FHIT: variants seen among roughly 807,000 people sequenced by gnomAD.
The protein encoded by FHIT is bis(5'-adenosyl)-triphosphatase.
In FHIT, 19 loss-of-function variants were observed where a neutral mutation model predicts 17.9. The ratio of observed to expected loss-of-function variants is 1.06; its 90% confidence interval spans 0.74 to 1.56. The LOEUF is 1.56. Ranked by LOEUF, FHIT falls within the 40% of genes most tolerant of loss-of-function variation. The pLI, the probability that FHIT is intolerant of heterozygous loss-of-function variation, is 0.00. For missense variants in FHIT, 248 were observed against 189.2 expected, an observed-to-expected ratio of 1.31 and a Z score of -1.82; for synonymous variants, 81 against 69.7, an observed-to-expected ratio of 1.16 and a Z score of -0.81.
At chr3:60,457,880 G>C (rs1306236616) in intron 5 of FHIT, among the ~76,000 whole-genome samples, 12 of 152,104 alleles carry the variant, frequency 7.9e-5, no homozygotes, top group African/African-American at 2.9e-4. Context: ...AAACCACAAT[G>C]AGATACCATC....
chr3:60,396,833 G>C (rs1330792525), intron 5 of FHIT, among the ~76,000 whole-genome samples: 1 of 152,054 alleles, frequency 6.6e-6, no homozygotes, highest in Non-Finnish European at 1.5e-5. Context: ...TGAAAAAATA[G>C]AAAGTTTAAA....
intron 4 of FHIT, among the ~76,000 whole-genome samples, chr3:60,681,313 G>A (rs1553696813): frequency 1.3e-5 from 2 of 152,132 alleles, no homozygotes; most frequent in Non-Finnish European, 2.9e-5. Flanking sequence ...ATAAGATGGT[G>A]AACTTTATCA....
chr3:60,404,060 T>C (rs111766653), intron 5 of FHIT, among the ~76,000 whole-genome samples: 1 of 152,324 alleles, frequency 6.6e-6, no homozygotes, highest in African/African-American at 2.4e-5. Context: ...AGACTGATTG[T>C]GGGCCAAGTC....
chr3:60,532,032 CA>C (rs1559517827), intron 5 of FHIT, among the ~76,000 whole-genome samples: 1 of 152,166 alleles, frequency 6.6e-6, no homozygotes, highest in Non-Finnish European at 1.5e-5. Flanking sequence ...TCCCTACATG[CA>C]TCATCCTAAT....
chr3:59,989,896 G>T (rs764366690), intron 7 of FHIT, among the ~76,000 whole-genome samples: 16 of 152,148 alleles, frequency 1.1e-4, no homozygotes, highest in Admixed American at 4.6e-4. Context: ...AGTAGCAGGG[G>T]TTCCTCCCCA....
intron 8 of FHIT, among the ~76,000 whole-genome samples, chr3:59,863,091 C>G (rs919247553): frequency 7.9e-5 from 12 of 152,200 alleles, no homozygotes; most frequent in African/African-American, 2.7e-4. Flanking sequence ...TAGTCCTATC[C>G]AAGGAATACG....
At position 60,331,953 on chromosome 3, in the gene FHIT, A is replaced by G. The variant is rs73103087; in HGVS notation, c.103+204907T>C. 4.7e-3 allele frequency among the ~76,000 whole-genome samples: 720 copies of G among 152,114 alleles called. 1 individual carries two copies. The highest frequency in any genetic ancestry group is 8.4e-3 in the Non-Finnish European group (568 of 68,000). On this transcript the variant is annotated intron_variant, in intron 5 of 9. Coordinates refer to ENST00000492590, the MANE Select transcript of FHIT (RefSeq NM_002012.4). ...TGATTCTCCCACATTATTAAGGTAC[A>G]ATTGTCCTGAATGCACTTGTCCTTC... is the stretch of plus-strand genomic sequence containing the variant.
chr3:60,927,542 C>T (rs1317306275), intron 3 of FHIT, among the ~76,000 whole-genome samples: 2 of 151,874 alleles, frequency 1.3e-5, no homozygotes, highest in South Asian at 2.1e-4. Flanking sequence ...AAGTGAGGAG[C>T]GTCTCTGCCT....
chr3:60,795,768 G>T (rs1226858269), intron 4 of FHIT, among the ~76,000 whole-genome samples: 1 of 152,102 alleles, frequency 6.6e-6, no homozygotes, highest in Non-Finnish European at 1.5e-5. Context: ...AGCTGCCTCG[G>T]CCTCCCAAAG....
intron 5 of FHIT, among the ~76,000 whole-genome samples, chr3:60,129,735 T>G (rs41355450): frequency 0.2 from 30,131 of 152,112 alleles, 3,297 homozygotes; most frequent in Admixed American, 0.3. Flanking sequence ...CAAGTTAAAG[T>G]TAAGGAGATA....
At chr3:60,505,348 C>G (rs541109281) in intron 5 of FHIT, among the ~76,000 whole-genome samples, 1 of 152,232 alleles carries the variant, frequency 6.6e-6, no homozygotes, top group Non-Finnish European at 1.5e-5. Context: ...TTCCATACCC[C>G]TAGGCTTCTT....
intron 7 of FHIT, among the ~76,000 whole-genome samples, chr3:59,975,992 G>A (rs189794351): frequency 5.0e-4 from 76 of 152,118 alleles, no homozygotes; most frequent in African/African-American, 1.8e-3. Flanking sequence ...GAGAGTTTAA[G>A]TTCTCTACTC....
chr3:61,166,616 T>TTAACTCAAATCTG (rs762067934), intron 2 of FHIT, among the ~76,000 whole-genome samples: 7 of 152,218 alleles, frequency 4.6e-5, no homozygotes, highest in Non-Finnish European at 1.0e-4. Flanking sequence ...CAGTTCAAGA[T>TTAACTCAAATCTG]TAACTCAAAT....
chr3:60,127,289 T>C (rs1705597252), intron 5 of FHIT, among the ~76,000 whole-genome samples: 1 of 152,200 alleles, frequency 6.6e-6, no homozygotes, highest in African/African-American at 2.4e-5. Flanking sequence ...TGATTTCCAC[T>C]TTGATCCCAG....
At chr3:60,828,625 T>A (rs1702207918) in intron 3 of FHIT, among the ~76,000 whole-genome samples, 1 of 152,148 alleles carries the variant, frequency 6.6e-6, no homozygotes, top group Non-Finnish European at 1.5e-5. Flanking sequence ...ATGCCTGTAA[T>A]CCCAGCACGT....
intron 5 of FHIT, among the ~76,000 whole-genome samples, chr3:60,102,130 A>G (rs1009649652): frequency 1.3e-5 from 2 of 152,214 alleles, no homozygotes; most frequent in African/African-American, 4.8e-5. Flanking sequence ...CTTCAATACA[A>G]TACCTGGCAC....
intron 5 of FHIT, among the ~76,000 whole-genome samples, chr3:60,448,920 T>C (rs545426589): frequency 1.3e-5 from 2 of 152,256 alleles, no homozygotes; most frequent in South Asian, 2.1e-4. Context: ...TAAATTCCTA[T>C]GGGGCTAAGA....
At chr3:60,592,649 G>T (rs375310824) in intron 4 of FHIT, among the ~76,000 whole-genome samples, 1 of 152,248 alleles carries the variant, frequency 6.6e-6, no homozygotes, top group East Asian at 1.9e-4. Flanking sequence ...TGTTCCAGAA[G>T]TTGCGCCCAT....
At chr3:59,929,949 T>TGGG (rs1705884991) in intron 7 of FHIT, among the ~76,000 whole-genome samples, 1 of 151,614 alleles carries the variant, frequency 6.6e-6, no homozygotes, top group South Asian at 2.1e-4. Flanking sequence ...GGATGATCCC[T>TGGG]GGAAACACGA....
Sources: gnomAD v4.1 joint callset for allele counts (sites outside exome capture counted in the v4.1 genomes callset) on GRCh38, gnomAD v4.1.1 for gene constraint, MANE v1.5 for transcripts, NCBI Gene and HGNC (gene_info 2026-07-23, HGNC 2026-07-21) for gene names.